The following TRPC7 variants were observed in gnomAD, a reference collection of about 807,000 sequenced individuals.
TRPC7 encodes the protein short transient receptor potential channel 7.
A neutral mutation model predicts 90.1 loss-of-function variants in TRPC7; 42 were observed. The observed-to-expected ratio is 0.47, with a 90% CI of 0.36 to 0.60. TRPC7 has a LOEUF of 0.60. Among genes scored for constraint, TRPC7 ranks in the 20% least tolerant of loss-of-function variants. The pLI, the probability that TRPC7 is intolerant of heterozygous loss-of-function variation, is 0.00. For missense variants in TRPC7, 955 were observed against 1,112.3 expected (o/e 0.86, Z 2.01); for synonymous variants, 451 against 436.3 (o/e 1.03, Z -0.42).
At chr5:136,291,831 G>A (rs1324867359) in intron 3 of TRPC7, among the ~76,000 whole-genome samples, 2 of 152,112 alleles carry the variant, frequency 1.3e-5, no homozygotes, top group Non-Finnish European at 2.9e-5. Flanking sequence ...CAAATCAACA[G>A]AATATACATT....
chr5:136,230,605 A>G (rs757786254), intron 8 of TRPC7, among the ~76,000 whole-genome samples: 4 of 152,182 alleles, frequency 2.6e-5, no homozygotes, highest in Non-Finnish European at 5.9e-5. Context: ...GATGCATCGT[A>G]GTCTATTTAA....
Position 136,250,299 on chromosome 5 carries a change from G to A in TRPC7, c.1579+1350C>T, listed in dbSNP as rs181048681. Among the ~76,000 whole-genome samples the A allele has an allele frequency of 7.4e-4, 113 of 152,290 alleles. 2 individuals are homozygous for A. Among genetic ancestry groups the A allele is most frequent in the South Asian group, 2.1e-4 (1 of 4,828 alleles). On this transcript the variant is annotated intron_variant, in intron 6 of 11. Coordinates refer to ENST00000513104, the MANE Select transcript of TRPC7 (RefSeq NM_020389.3). Reference sequence around the variant, plus strand: ...AAACGGGCAGTTACTCAACTTTTGCGTTAAGCGAACAACCCTCTGCAGATC... The same window carrying A: ...AAACGGGCAGTTACTCAACTTTTGCATTAAGCGAACAACCCTCTGCAGATC...
chr5:136,311,771 C>T (rs922567139), intron 3 of TRPC7, among the ~76,000 whole-genome samples: 1 of 152,254 alleles, frequency 6.6e-6, no homozygotes, highest in East Asian at 1.9e-4. Context: ...AGAGTCGTAT[C>T]CCTGATTTTT....
chr5:136,222,975 A>G (rs577264385), intron 10 of TRPC7, among the ~76,000 whole-genome samples: 2 of 152,344 alleles, frequency 1.3e-5, no homozygotes, highest in Non-Finnish European at 2.9e-5. Context: ...GTTTACTCCA[A>G]TTGTGAGCAG....
At position 136,266,265 on chromosome 5, in the gene TRPC7, T is replaced by C. The variant is rs746320777; in HGVS notation, c.1300A>G (p.Thr434Ala). The C allele has an allele frequency of 2.5e-6, 4 of 1,613,980 alleles. No individual in the cohort carries two copies. Among genetic ancestry groups the C allele is most frequent in the Non-Finnish European group, 2.5e-6 (3 of 1,179,832 alleles). ...AGCATTTCTGTCCAGGAGAACTGTG[T>C]GGTTTTCACTCTGAAGATTTGTTTT... ...YPKQIFRVKT[T>A]QFSWTEMLIM... is the part of the protein sequence containing the mutation. Residue 434 changes from threonine (T) to alanine (A), a missense_variant, in exon 5 of 12, where the codon ACA (threonine) becomes GCA (alanine). Physicochemically the swap from Thr to Ala is moderately conservative, Grantham distance 58 (BLOSUM62 0). Around this residue, in one of 4 missense-constraint regions of TRPC7, gnomAD observed 484 missense variants for 509.6 expected, o/e 0.95. Transcript: ENST00000513104.
intron 2 of TRPC7, among the ~76,000 whole-genome samples, chr5:136,336,269 CCCA>C (rs1178371416): frequency 6.6e-6 from 1 of 152,122 alleles, no homozygotes; most frequent in Non-Finnish European, 1.5e-5. Context: ...ACTCCGGTCC[CCCA>C]CTTGCTTTGA....
At chr5:136,285,307 C>T (rs1757676979) in intron 3 of TRPC7, among the ~76,000 whole-genome samples, 1 of 152,078 alleles carries the variant, frequency 6.6e-6, no homozygotes, top group Non-Finnish European at 1.5e-5. Flanking sequence ...TCACTTTTGC[C>T]CCCACTGTAC....
chr5:136,255,591 T>C (rs922851385), intron 5 of TRPC7, among the ~76,000 whole-genome samples: 1 of 152,230 alleles, frequency 6.6e-6, no homozygotes, highest in South Asian at 2.1e-4. Context: ...CCTGGGACTT[T>C]CTTTGTTGGG....
intron 3 of TRPC7, among the ~76,000 whole-genome samples, chr5:136,309,347 A>C (rs1014283436): frequency 1.3e-5 from 2 of 152,232 alleles, no homozygotes; most frequent in African/African-American, 4.8e-5. Flanking sequence ...CAGGACTATC[A>C]GACCTACTGC....
At chr5:136,357,442 G>A in intron 1 of TRPC7, 57 bp from the exon 2 acceptor site, 2 of 1,501,718 alleles carry the variant, frequency 1.3e-6, no homozygotes, top group Non-Finnish European at 1.8e-6. Flanking sequence ...TAGCAGTAGA[G>A]CACACAAAAA....
Position 136,284,056 on chromosome 5 carries a change from C to T in TRPC7, c.964-9219G>A, listed in dbSNP as rs115432014. 2.2e-3 allele frequency among the ~76,000 whole-genome samples: 329 copies of T among 152,338 alleles called. 1 individual carries two copies. Among genetic ancestry groups the T allele is most frequent in the African/African-American group, 7.2e-3 (298 of 41,568 alleles). On this transcript the variant is annotated intron_variant, in intron 3 of 11. Transcript: ENST00000513104. Reference sequence around the variant, plus strand: ...CTGCCATCCAAGGCTTCAGTTTGGACAACTTCAATTGCTGTCTGCACTTAT... The same window carrying T: ...CTGCCATCCAAGGCTTCAGTTTGGATAACTTCAATTGCTGTCTGCACTTAT...
chr5:136,262,350 G>A (rs949707486), intron 5 of TRPC7, among the ~76,000 whole-genome samples: 1 of 152,198 alleles, frequency 6.6e-6, no homozygotes, highest in East Asian at 1.9e-4. Context: ...CCTTGAACAC[G>A]TCCAGCTTGC....
intron 3 of TRPC7, among the ~76,000 whole-genome samples, chr5:136,305,409 T>C (rs1278537449): frequency 5.3e-5 from 8 of 152,158 alleles, no homozygotes; most frequent in Non-Finnish European, 1.0e-4. Flanking sequence ...TGGAAATCTA[T>C]CCTCAAGGAA....
chr5:136,356,786 T>C lies in TRPC7; in HGVS notation c.602A>G (p.Asn201Ser). The change falls in exon 2 of 12, where the codon AAT becomes AGT. Residue 201 changes from asparagine (N) to serine (S), a missense_variant. Physicochemically the swap from Asn to Ser is conservative, Grantham distance 46 (BLOSUM62 1). This residue lies in a region of TRPC7 where 484 missense variants were observed against 509.6 expected (regional missense o/e 0.95). Transcript: ENST00000513104. Reference sequence around the variant, plus strand: ...TTTCCGCTGTTTCTCGGTGCACTCATTGCACTTGCAGAAGTAGTCGTGGGG... The same window carrying C: ...TTTCCGCTGTTTCTCGGTGCACTCACTGCACTTGCAGAAGTAGTCGTGGGG... Reference protein sequence around the residue: ...ERPHDYFCKCNECTEKQRKDS... With the variant: ...ERPHDYFCKCSECTEKQRKDS... 2 of 1,612,284 alleles carry C rather than the reference T, an allele frequency of 1.2e-6. No homozygotes were observed. The highest frequency in any genetic ancestry group is 1.7e-6 in the Non-Finnish European group (2 of 1,178,932).
intron 10 of TRPC7, among the ~76,000 whole-genome samples, chr5:136,217,887 TG>T (rs1174995268): frequency 6.6e-6 from 1 of 151,218 alleles, no homozygotes; most frequent in Non-Finnish European, 1.5e-5. Flanking sequence ...CATGGTGGTG[TG>T]TGCCTGTAAT....
rs149817630 is a variant in TRPC7 at position 136,321,290 on chromosome 5, G to C, written c.781-5511C>G. On this transcript the variant is annotated intron_variant, in intron 2 of 11. Transcript: ENST00000513104. ...TTGGGGGAAACAAAATGTGGGTAGG[G>C]ATAAGGATATATGAATCCCTGACAG... is the stretch of plus-strand genomic sequence containing the variant. Among the ~76,000 whole-genome samples the C allele has an allele frequency of 2.2e-3, 330 of 152,254 alleles. 6 individuals are homozygous for C. The highest frequency in any genetic ancestry group is 7.7e-3 in the African/African-American group (319 of 41,538).
At chr5:136,332,169 A>G (rs1392534650) in intron 2 of TRPC7, among the ~76,000 whole-genome samples, 3 of 118,984 alleles carry the variant, frequency 2.5e-5, no homozygotes, top group African/African-American at 8.3e-5. Flanking sequence ...AGAATATTCC[A>G]GACAGAGGGT....
At chr5:136,351,309 C>A (rs2149858121) in intron 2 of TRPC7, among the ~76,000 whole-genome samples, 1 of 152,216 alleles carries the variant, frequency 6.6e-6, no homozygotes, top group South Asian at 2.1e-4. Flanking sequence ...AGACCTGCAG[C>A]CTTCATAGCT....
chr5:136,336,573 A>T (rs4976486), intron 2 of TRPC7, among the ~76,000 whole-genome samples: 50,246 of 151,586 alleles, frequency 0.33, 9,306 homozygotes, highest in Admixed American at 0.46. Context: ...GGTTTGTTAC[A>T]TATGTATACA....
Sources: gnomAD v4.1 joint callset for allele counts (sites outside exome capture counted in the v4.1 genomes callset) on GRCh38, gnomAD v4.1.1 for gene constraint, gnomAD v4.1.1 regional missense constraint, MANE v1.5 for transcripts, NCBI Gene and HGNC (gene_info 2026-07-23, HGNC 2026-07-21) for gene names.